ACYP2: variants seen among roughly 807,000 people sequenced by gnomAD.
The protein encoded by ACYP2 is acylphosphatase-2.
A neutral mutation model predicts 11.2 loss-of-function variants in ACYP2; 12 were observed. The observed-to-expected ratio is 1.08, with a 90% CI of 0.69 to 1.74. The LOEUF is 1.74. Among genes scored for constraint, ACYP2 ranks in the 40% most tolerant of loss-of-function variants. ACYP2 has a pLI of 0.00. For missense variants in ACYP2, 134 were observed against 101.9 expected, an observed-to-expected ratio of 1.31 and a Z score of -1.35; for synonymous variants, 43 against 32.2, an observed-to-expected ratio of 1.33 and a Z score of -1.13.
intron 6 of ACYP2, chr2:54,254,022 A>C (rs1340697559): frequency 6.6e-6 from 1 of 152,208 alleles, no homozygotes; most frequent in Non-Finnish European, 1.5e-5. Flanking sequence ...GCACTTCATT[A>C]GGTTCAGGAA....
At chr2:54,138,604 C>T in intron 5 of ACYP2, 35 bp from the exon 3 acceptor site, 2 of 1,530,646 alleles carry the variant, frequency 1.3e-6, no homozygotes, top group Non-Finnish European at 1.8e-6. Flanking sequence ...ACTTTTGATG[C>T]TGCACTTTAT....
At chr2:54,043,095 G>GTGTGTC (rs2104564647) in intron 2 of ACYP2, among the ~76,000 whole-genome samples, 1 of 152,246 alleles carries the variant, frequency 6.6e-6, no homozygotes, top group African/African-American at 2.4e-5. Flanking sequence ...GTGTGTGTGT[G>GTGTGTC]TGTCTGCTAT....
intron 6 of ACYP2, among the ~76,000 whole-genome samples, chr2:54,179,265 G>A (rs949293244): frequency 3.3e-5 from 5 of 151,812 alleles, no homozygotes; most frequent in East Asian, 1.9e-4. Context: ...GGTGGGGGAG[G>A]AGCATCTCCC....
intron 2 of ACYP2, among the ~76,000 whole-genome samples, chr2:54,017,612 C>CT (rs2104542997): frequency 6.6e-6 from 1 of 152,240 alleles, no homozygotes; most frequent in Admixed American, 6.5e-5. Context: ...ATAGAAATTT[C>CT]TTTAAAATAT....
At chr2:53,972,072 G>A (rs909402324) in intron 1 of ACYP2, among the ~76,000 whole-genome samples, 3 of 152,230 alleles carry the variant, frequency 2.0e-5, no homozygotes, top group Non-Finnish European at 4.4e-5. Flanking sequence ...CACTTTGGGA[G>A]GCCGAGGCGG....
intron 6 of ACYP2, among the ~76,000 whole-genome samples, chr2:54,295,538 C>A (rs1053367934): frequency 6.6e-6 from 1 of 152,102 alleles, no homozygotes; most frequent in Non-Finnish European, 1.5e-5. Flanking sequence ...CCTCCTCCCA[C>A]GCATGGAAGC....
intron 6 of ACYP2, among the ~76,000 whole-genome samples, chr2:54,233,183 A>G (rs1261099651): frequency 6.6e-6 from 1 of 152,148 alleles, no homozygotes; most frequent in Non-Finnish European, 1.5e-5. Context: ...TTTAGCTATA[A>G]TGGCATATAA....
In ACYP2 at chr2:54,072,422, C is replaced by G. The variant is rs1406023430; in HGVS notation, c.277+15062C>G. Among the ~76,000 whole-genome samples the G allele has an allele frequency of 2.0e-5, 3 of 152,234 alleles. No homozygotes were observed. In the East Asian group the frequency reaches 5.8e-4, roughly 29 times the overall value. On this transcript the variant is annotated intron_variant, in intron 4 of 6. Transcript: ENST00000607452. ...TCCAGCTCTAGTGATCTTCCCACCTCAGTCTCTAGAATCCAGCTACCTTTT... is the reference window on the plus strand; with the variant it reads ...TCCAGCTCTAGTGATCTTCCCACCTGAGTCTCTAGAATCCAGCTACCTTTT...
At chr2:54,036,674 C>G (rs1236989169) in intron 2 of ACYP2, among the ~76,000 whole-genome samples, 1 of 152,206 alleles carries the variant, frequency 6.6e-6, no homozygotes, top group Non-Finnish European at 1.5e-5. Context: ...GAATTGGCTT[C>G]TCTTTGCCTT....
At chr2:54,031,090 T>A (rs1164463260) in intron 2 of ACYP2, among the ~76,000 whole-genome samples, 2 of 152,136 alleles carry the variant, frequency 1.3e-5, no homozygotes, top group African/African-American at 4.8e-5. Flanking sequence ...GTCTCATTGG[T>A]GTCAGGGAAG....
At chr2:54,128,784 C>G (rs1680707812) in intron 4 of ACYP2, among the ~76,000 whole-genome samples, 3 of 151,644 alleles carry the variant, frequency 2.0e-5, no homozygotes, top group African/African-American at 4.8e-5. Context: ...AAGCGTGGTA[C>G]TATGTGTGAA....
At chr2:54,005,294 G>A (rs1191688676) in intron 2 of ACYP2, among the ~76,000 whole-genome samples, 1 of 150,804 alleles carries the variant, frequency 6.6e-6, no homozygotes, top group Non-Finnish European at 1.5e-5. Context: ...CCATTGTGTT[G>A]TCTTTGTTGC....
chr2:54,259,386 G>T (rs1351492196), intron 6 of ACYP2, among the ~76,000 whole-genome samples: 1 of 152,184 alleles, frequency 6.6e-6, no homozygotes, highest in African/African-American at 2.4e-5. Context: ...CACTAAGATA[G>T]TGAGTCCTGA....
chr2:53,976,832 A>G (rs1487736470), intron 2 of ACYP2, among the ~76,000 whole-genome samples: 1 of 152,148 alleles, frequency 6.6e-6, no homozygotes, highest in Non-Finnish European at 1.5e-5. Context: ...TTCTCTCATT[A>G]TTTTAGGCAT....
intron 6 of ACYP2, chr2:54,255,508 A>C: frequency 6.2e-7 from 1 of 1,613,418 alleles, no homozygotes; most frequent in Non-Finnish European, 8.5e-7. Flanking sequence ...CTCTGCATTC[A>C]CGGAGTCCAG....
At chr2:54,064,744 T>C (rs1446756737) in intron 4 of ACYP2, among the ~76,000 whole-genome samples, 6 of 152,280 alleles carry the variant, frequency 3.9e-5, no homozygotes, top group Middle Eastern at 3.4e-3. Context: ...AGGACCAAGT[T>C]TGCATTTGGA....
intron 6 of ACYP2, among the ~76,000 whole-genome samples, chr2:54,152,071 T>C (rs1487970075): frequency 6.6e-6 from 1 of 151,370 alleles, no homozygotes; most frequent in Non-Finnish European, 1.5e-5. Context: ...CCAATATTGA[T>C]ATATTATTAA....
At chr2:54,136,996 C>G (rs1049527573) in intron 5 of ACYP2, among the ~76,000 whole-genome samples, 10 of 151,984 alleles carry the variant, frequency 6.6e-5, no homozygotes, top group African/African-American at 2.4e-4. Flanking sequence ...AAAAAGAGTT[C>G]TAGTAGACTG....
chr2:54,004,571 T>C (rs1672962137), intron 2 of ACYP2, among the ~76,000 whole-genome samples: 1 of 151,742 alleles, frequency 6.6e-6, no homozygotes, highest in Non-Finnish European at 1.5e-5. Flanking sequence ...CAACCATGCC[T>C]GGCTAATTTT....
Sources: gnomAD v4.1 joint callset for allele counts (sites outside exome capture counted in the v4.1 genomes callset) on GRCh38, gnomAD v4.1.1 for gene constraint, MANE v1.5 for transcripts, NCBI Gene and HGNC (gene_info 2026-07-23, HGNC 2026-07-21) for gene names.